Variants in STAT5B observed in about 807,000 individuals in gnomAD.
STAT5B encodes signal transducer and activator of transcription 5B, also known as transcription factor STAT5B.
Under a neutral mutation model 107.8 loss-of-function variants are expected in STAT5B, and 21 were observed. The ratio of observed to expected loss-of-function variants is 0.19; its 90% confidence interval spans 0.14 to 0.28. The LOEUF (loss-of-function observed/expected upper bound fraction) is 0.28. STAT5B is among the 10% of genes least tolerant of loss of function. The probability of loss-of-function intolerance (pLI) is 1.00; values close to 1 mark genes in which losing one functional copy is unlikely to be tolerated. For synonymous variants in STAT5B, 325 were observed against 401.7 expected (o/e 0.81, Z 2.28); for missense variants, 565 against 1,008.2 (o/e 0.56, Z 5.95).
At chr17:42,223,708 A>G in intron 4 of STAT5B, 152 bp from the exon 5 acceptor site, 2 of 857,144 alleles carry the variant, frequency 2.3e-6, no homozygotes, top group Non-Finnish European at 3.6e-6. Context: ...CATGAGACAC[A>G]GGGTGGAGTG....
intron 1 of STAT5B, among the ~76,000 whole-genome samples, chr17:42,261,893 T>G (rs2080599798): frequency 6.6e-6 from 1 of 152,032 alleles, no homozygotes; most frequent in South Asian, 2.1e-4. Context: ...AAAGATGGGA[T>G]CTCATTACGT....
chr17:42,228,306 AG>A (rs2080290783), intron 2 of STAT5B, among the ~76,000 whole-genome samples: 1 of 152,338 alleles, frequency 6.6e-6, no homozygotes, highest in African/African-American at 2.4e-5. Flanking sequence ...CCAGTAAACA[AG>A]GAAAACCACG....
At chr17:42,222,590 A>C (rs928908144) in intron 5 of STAT5B, among the ~76,000 whole-genome samples, 1 of 152,116 alleles carries the variant, frequency 6.6e-6, no homozygotes, top group African/African-American at 2.4e-5. Context: ...TGCCTAAGCT[A>C]GTCTGAAACT....
chr17:42,263,192 T>G (rs1038702658), intron 1 of STAT5B, among the ~76,000 whole-genome samples: 1 of 150,318 alleles, frequency 6.7e-6, no homozygotes, highest in African/African-American at 2.4e-5. Flanking sequence ...AACAATATAA[T>G]TCTCCATAAG....
intron 13 of STAT5B, among the ~76,000 whole-genome samples, chr17:42,211,229 G>T (rs991289585): frequency 2.0e-5 from 3 of 150,826 alleles, no homozygotes; most frequent in Non-Finnish European, 3.0e-5. Flanking sequence ...TAAATAGGGT[G>T]GGCACAGTGG....
rs143157773 is a variant in STAT5B at position 42,202,423 on chromosome 17, G to A, written c.2154C>T (p.Ala718=). 3.5e-5 allele frequency: 57 copies of A among 1,614,064 alleles called. No individual in the cohort carries two copies. Among genetic ancestry groups the A allele is most frequent in the Non-Finnish European group, 4.2e-5 (50 of 1,180,044 alleles). The part of the protein sequence containing the change: ...VPEFVNASAD[A]GGGSATYMDQ... ...CCATGTACGTGGCGCTGCCGCCCCCGGCATCTGCAGATGCGTTCACAAACC... is the reference window on the plus strand; with the variant it reads ...CCATGTACGTGGCGCTGCCGCCCCCAGCATCTGCAGATGCGTTCACAAACC... Residue 718 remains alanine, a synonymous_variant, in exon 18 of 19, where the codon GCC becomes GCT. Transcript: ENST00000293328.
At chr17:42,238,244 C>T (rs1218134207) in intron 1 of STAT5B, among the ~76,000 whole-genome samples, 1 of 151,558 alleles carries the variant, frequency 6.6e-6, no homozygotes, top group Non-Finnish European at 1.5e-5. Context: ...AGGGATACTC[C>T]TACCTCAGCC....
At chr17:42,277,758 CT>C (rs796461733), upstream of STAT5B, among the ~76,000 whole-genome samples, 6,398 of 139,764 alleles carry the variant, frequency 0.046, 344 homozygotes, top group African/African-American at 0.16. Flanking sequence ...TTTTTCTTTT[CT>C]TTTTTTTTTT....
rs2080026081 is a variant in STAT5B at position 42,199,346 on chromosome 17, T to A, written c.*2392A>T. ...ACTAATCTGCCTTGACACTAAAATA[T>A]GTATCTGAAATAATTTCACCAAGTT... On this transcript the variant is annotated 3_prime_UTR_variant, in exon 19 of 19. Transcript: ENST00000293328. 6.6e-6 allele frequency: 1 copy of A among 152,324 alleles called. No homozygotes were observed. The highest frequency in any genetic ancestry group is 2.4e-5 in the African/African-American group (1 of 41,442). 9.4% of individuals were successfully genotyped at this position (152,324 alleles called of 1,614,324 possible). A position where few individuals can be genotyped will look rare whatever the true frequency, so the allele number is the denominator to read the frequency against.
intron 1 of STAT5B, chr17:42,275,513 T>C (rs1393405347): frequency 1.3e-5 from 2 of 152,322 alleles, no homozygotes; most frequent in Admixed American, 6.5e-5. Flanking sequence ...TCTTGCCAGA[T>C]TCCTTTAGCC....
At chr17:42,247,005 AT>A (rs1458133684) in intron 1 of STAT5B, among the ~76,000 whole-genome samples, 1 of 152,278 alleles carries the variant, frequency 6.6e-6, no homozygotes, top group East Asian at 1.9e-4. Context: ...GTTGATATCA[AT>A]TTATTTTGTG....
intron 1 of STAT5B, among the ~76,000 whole-genome samples, chr17:42,273,774 A>C (rs1345741066): frequency 2.6e-5 from 4 of 152,228 alleles, no homozygotes; most frequent in Admixed American, 6.5e-5. Context: ...CAAATAAACC[A>C]CAACAAATGG....
chr17:42,211,241 C>T (rs1747930016), intron 13 of STAT5B, among the ~76,000 whole-genome samples: 2 of 151,768 alleles, frequency 1.3e-5, no homozygotes, highest in African/African-American at 2.4e-5. Context: ...GCACAGTGGA[C>T]TCACGCCTGT....
rs56767308 is a variant in STAT5B at position 42,267,630 on chromosome 17, T to C, written c.-11+8618A>G. On this transcript the variant is annotated intron_variant, in intron 1 of 18. Coordinates refer to ENST00000293328, the MANE Select transcript of STAT5B (RefSeq NM_012448.4). ...AGCTGTACATGTTTATGTGTTAAGC[T>C]AAGTGTTACTACAAAAGAGTTTAAA... Among the ~76,000 whole-genome samples, 33 of 152,274 alleles carry C rather than the reference T, an allele frequency of 2.2e-4. No individual in the cohort carries two copies. The East Asian group carries it at 6.4e-3, about 29-fold the overall frequency.
At chr17:42,228,454 CT>C (rs1193226964) in intron 2 of STAT5B, among the ~76,000 whole-genome samples, 1 of 152,118 alleles carries the variant, frequency 6.6e-6, no homozygotes, top group Non-Finnish European at 1.5e-5. Flanking sequence ...ACAATTGACA[CT>C]GGGAAGTACC....
At chr17:42,262,950 G>A (rs1209097988) in intron 1 of STAT5B, among the ~76,000 whole-genome samples, 803 of 47,196 alleles carry the variant, frequency 0.017, 25 homozygotes, top group African/African-American at 0.064. Flanking sequence ...ATATGTGTGT[G>A]TGTGTGTGTG....
chr17:42,269,256 TAG>T (rs1567679714), intron 1 of STAT5B, among the ~76,000 whole-genome samples: 1 of 152,116 alleles, frequency 6.6e-6, no homozygotes. Context: ...GTATTTTTAG[TAG>T]AGACAGGGTT....
rs932775156 is a variant in STAT5B at position 42,200,902 on chromosome 17, C to T, written c.*836G>A. The T allele has an allele frequency of 5.3e-5, 21 of 394,538 alleles. 1 individual carries two copies. Among genetic ancestry groups the T allele is most frequent in the East Asian group, 1.4e-4 (4 of 27,972 alleles). 24.4% of individuals were successfully genotyped at this position (394,538 alleles called of 1,614,324 possible). On this transcript the variant is annotated 3_prime_UTR_variant, in exon 19 of 19. Coordinates refer to ENST00000293328, the MANE Select transcript of STAT5B (RefSeq NM_012448.4). ...TCTCAGCGCCTGGGAGTCAGGGCTG[C>T]GCACTCCACTCTGGCCAGAACACAA... is the stretch of plus-strand genomic sequence containing the variant.
chr17:42,215,027 G>A (rs1056447968), intron 12 of STAT5B, among the ~76,000 whole-genome samples: 1 of 152,210 alleles, frequency 6.6e-6, no homozygotes. Context: ...TTATAGGCAT[G>A]AGCCACCGCA....
Sources: allele counts gnomAD v4.1 joint callset (sites outside exome capture counted in the v4.1 genomes callset), GRCh38; gene constraint gnomAD v4.1.1; transcripts MANE v1.5; gene names NCBI Gene and HGNC (gene_info 2026-07-23, HGNC 2026-07-21).